Variants in PPFIBP2 observed in about 807,000 individuals in gnomAD.
PPFIBP2 encodes the protein liprin-beta-2.
In PPFIBP2, 118 loss-of-function variants were observed where a neutral mutation model predicts 118.3. The observed-to-expected ratio is 1.00, with a 90% confidence interval of 0.86 to 1.16. PPFIBP2 has a LOEUF of 1.16. PPFIBP2 is among the 50% of genes most tolerant of loss of function. The probability of loss-of-function intolerance (pLI) is 0.00; values close to 1 mark genes in which losing one functional copy is unlikely to be tolerated. For missense variants in PPFIBP2, 1,195 were observed against 1,073.1 expected (o/e 1.11, Z -1.59); for synonymous variants, 414 against 397.4 (o/e 1.04, Z -0.50).
At chr11:7,623,135 C>A (rs141231604) in intron 7 of PPFIBP2, among the ~76,000 whole-genome samples, 1 of 152,300 alleles carries the variant, frequency 6.6e-6, no homozygotes, top group African/African-American at 2.4e-5. Flanking sequence ...TGCCTTCATG[C>A]TGTTTCCAAC....
chr11:7,541,785 C>T (rs1851809684), intron 1 of PPFIBP2, among the ~76,000 whole-genome samples: 1 of 152,140 alleles, frequency 6.6e-6, no homozygotes, highest in Admixed American at 6.5e-5. Context: ...CTGAACATTT[C>T]TAAAACCAAT....
chr11:7,571,065 GGAGA>G (rs1290703906), intron 3 of PPFIBP2, among the ~76,000 whole-genome samples: 12 of 152,170 alleles, frequency 7.9e-5, no homozygotes, highest in African/African-American at 2.7e-4. Flanking sequence ...TCTCAACAGT[GGAGA>G]GGCAAATCTG....
At chr11:7,583,245 T>TTG (rs1857540231) in intron 3 of PPFIBP2, among the ~76,000 whole-genome samples, 1 of 152,222 alleles carries the variant, frequency 6.6e-6, no homozygotes, top group African/African-American at 2.4e-5. Flanking sequence ...TTTGGAAATC[T>TTG]TGTAGGATTA....
intron 2 of PPFIBP2, among the ~76,000 whole-genome samples, chr11:7,555,963 C>T (rs756714359): frequency 7.2e-5 from 11 of 152,004 alleles, no homozygotes; most frequent in Non-Finnish European, 1.6e-4. Context: ...TTAATTGAGT[C>T]TTGGCAAGTT....
chr11:7,645,813 A>C (rs1232351959), intron 17 of PPFIBP2, among the ~76,000 whole-genome samples: 1 of 152,248 alleles, frequency 6.6e-6, no homozygotes, highest in Non-Finnish European at 1.5e-5. Context: ...CTGAAATGTT[A>C]GGTTCACAAA....
Position 7,530,691 on chromosome 11 carries a change from T to C in PPFIBP2, c.-37+16570T>C, listed in dbSNP as rs1400777758. ...GTTTGTGAGCTACCTTCCCAATTTA[T>C]GGTAATTTTGTTAAAACAGCCTGGA... On this transcript the variant is annotated intron_variant, in intron 1 of 23. Coordinates refer to ENST00000299492, the MANE Select transcript of PPFIBP2 (RefSeq NM_003621.5). Among the ~76,000 whole-genome samples, 3 of 152,216 alleles carry C rather than the reference T, an allele frequency of 2.0e-5. No individual in the cohort carries two copies. The East Asian group carries it at 5.8e-4, about 29-fold the overall frequency.
At chr11:7,597,147 G>A (rs1860477459) in intron 4 of PPFIBP2, 11 of 1,442,470 alleles carry the variant, frequency 7.6e-6, no homozygotes, top group Admixed American at 5.2e-5. Context: ...AAGGTCATTG[G>A]TTAGTTTCCA....
At chr11:7,582,086 C>T (rs1304742188) in intron 3 of PPFIBP2, among the ~76,000 whole-genome samples, 5 of 152,038 alleles carry the variant, frequency 3.3e-5, no homozygotes, top group African/African-American at 1.2e-4. Context: ...GATGCGCCCG[C>T]CTCAGCCTCC....
chr11:7,648,775 T>C (rs1853529435), intron 18 of PPFIBP2, 25 bp from the exon 19 acceptor site: 4 of 1,606,400 alleles, frequency 2.5e-6, no homozygotes, highest in Non-Finnish European at 3.4e-6. Flanking sequence ...AAATTTCACA[T>C]GTGGTCTTCA....
chr11:7,644,122 TA>T (rs1852623635), intron 17 of PPFIBP2, among the ~76,000 whole-genome samples: 1 of 152,210 alleles, frequency 6.6e-6, no homozygotes, highest in Non-Finnish European at 1.5e-5. Context: ...TCATTATTAT[TA>T]TTGTATTTCT....
the PPFIBP2 span, chr11:7,665,830 GGTGTGTGAATCAGTACAGCCAGCTGGA>G: frequency 6.5e-7 from 1 of 1,534,276 alleles, no homozygotes; most frequent in South Asian, 1.2e-5. Flanking sequence ...GGTATACCGA[GGTGTGTGAATCAGTACAGCCAGCTGGA>G]GTTGTCCGGC....
chr11:7,664,507 A>AGAT, the PPFIBP2 span, among the ~76,000 whole-genome samples: 26 of 152,322 alleles, frequency 1.7e-4, no homozygotes, highest in East Asian at 4.8e-3. Flanking sequence ...AATAGAGGGT[A>AGAT]GATGCACCCC....
chr11:7,648,494 C>T lies in PPFIBP2; in HGVS notation c.1754C>T (p.Ser585Phe). The change falls in exon 18 of 24, where the codon TCT becomes TTT. Residue 585 changes from serine to phenylalanine, a missense_variant. Physicochemically the swap from Ser to Phe is radical, Grantham distance 155 (BLOSUM62 -2). Transcript: ENST00000299492. ...YVIFARQWVSSGHTLLTATPQ... is the reference protein window; with the variant it reads ...YVIFARQWVSFGHTLLTATPQ... ...ATCTTTGCCAGGCAGTGGGTATCTT[C>T]TGGCCACACCTTATTGACAGCCACC... 6.2e-7 allele frequency: 1 copy of T among 1,614,106 alleles called. No individual in the cohort carries two copies. Among genetic ancestry groups the T allele is most frequent in the Non-Finnish European group, 8.5e-7 (1 of 1,180,042 alleles).
chr11:7,599,408 G>A (rs902782648), intron 5 of PPFIBP2, among the ~76,000 whole-genome samples: 2 of 152,190 alleles, frequency 1.3e-5, no homozygotes, highest in African/African-American at 4.8e-5. Flanking sequence ...TCAACAGAAT[G>A]CTGCATTGTA....
rs532528597 is a variant in PPFIBP2 at position 7,537,164 on chromosome 11, G to A, written c.-36-12276G>A. Among the ~76,000 whole-genome samples the A allele has an allele frequency of 9.9e-5, 15 of 152,272 alleles. No individual in the cohort carries two copies. The South Asian group carries it at 2.3e-3, about 23-fold the overall frequency. ...CTAATGGCTACAGGCCATGTTCTAG[G>A]GGTGACAGGTGAGAGACCCTTCTCA... On this transcript the variant is annotated intron_variant, in intron 1 of 23. Coordinates refer to ENST00000299492, the MANE Select transcript of PPFIBP2 (RefSeq NM_003621.5).
chr11:7,628,221 T>C, intron 8 of PPFIBP2, 64 bp from the exon 9 acceptor site: 1 of 1,394,420 alleles, frequency 7.2e-7, no homozygotes, highest in Non-Finnish European at 1.0e-6. Context: ...GGGGACATCA[T>C]AGCAAGTGCG....
chr11:7,639,226 C>A (rs188906896), intron 14 of PPFIBP2, among the ~76,000 whole-genome samples: 40 of 152,264 alleles, frequency 2.6e-4, no homozygotes, highest in African/African-American at 9.4e-4. Context: ...TCTCTCCTCA[C>A]CACAGGAAAG....
intron 1 of PPFIBP2, among the ~76,000 whole-genome samples, chr11:7,549,192 C>T (rs1238750467): frequency 6.6e-6 from 1 of 152,210 alleles, no homozygotes. Context: ...CTTGCTGCCA[C>T]AGGTGACTCT....
chr11:7,665,700 C>G, the PPFIBP2 span: 1 of 1,150,730 alleles, frequency 8.7e-7, no homozygotes, highest in Non-Finnish European at 1.2e-6. Flanking sequence ...CAAAAAGCCT[C>G]AGAACTAGTA....
Sources: gnomAD v4.1 joint callset for allele counts (sites outside exome capture counted in the v4.1 genomes callset) on GRCh38, gnomAD v4.1.1 for gene constraint, MANE v1.5 for transcripts, NCBI Gene and HGNC (gene_info 2026-07-23, HGNC 2026-07-21) for gene names.